The following ERC1 variants were observed in gnomAD, a reference collection of about 807,000 sequenced individuals.
ERC1 encodes the protein RAB6 interacting protein 2.
ERC1 carries 56 observed loss-of-function variants against 132.0 expected under a neutral mutation model. The ratio of observed to expected loss-of-function variants is 0.42; its 90% CI spans 0.34 to 0.53. ERC1 has a LOEUF of 0.53. ERC1 is among the 20% of genes least tolerant of loss of function. The pLI is 0.03. For missense variants in ERC1, 1,202 were observed against 1,349.9 expected, an observed-to-expected ratio of 0.89 and a Z score of 1.72; for synonymous variants, 478 against 476.1, an observed-to-expected ratio of 1.00 and a Z score of -0.05.
At chr12:1,143,391 TTAAA>T (rs755460063) in intron 8 of ERC1, among the ~76,000 whole-genome samples, 35 of 148,724 alleles carry the variant, frequency 2.4e-4, no homozygotes, top group East Asian at 6.1e-4. Context: ...TTCAGACTTC[TTAAA>T]TAAAGTGAAT....
intron 1 of ERC1, among the ~76,000 whole-genome samples, chr12:995,303 C>G (rs922473762): frequency 1.3e-5 from 2 of 151,956 alleles, no homozygotes; most frequent in South Asian, 2.1e-4. Context: ...TAGTCAGGAG[C>G]TTATGCTGTA....
Position 1,256,290 on chromosome 12 carries a change from T to A in ERC1, c.2488-6744T>A, listed in dbSNP as rs553028943. 9.4e-5 allele frequency among the ~76,000 whole-genome samples: 14 copies of A among 149,552 alleles called. No individual in the cohort carries two copies. The South Asian group carries it at 1.1e-3, about 11-fold the overall frequency. On this transcript the variant is annotated intron_variant, in intron 13 of 18. Transcript: ENST00000360905. ...CTCTGTTTTTGCCTTTTTTTTTTTT[T>A]ATAACTTTTTCCCTTGTCTACTTTA... is the stretch of plus-strand genomic sequence containing the variant.
At chr12:1,178,537 A>T (rs935573647) in intron 8 of ERC1, among the ~76,000 whole-genome samples, 5 of 152,178 alleles carry the variant, frequency 3.3e-5, no homozygotes, top group Non-Finnish European at 5.9e-5. Context: ...TACATGGAAG[A>T]ATGGAGGAGT....
At chr12:1,134,119 C>CT (rs1194142718) in intron 7 of ERC1, among the ~76,000 whole-genome samples, 2 of 152,054 alleles carry the variant, frequency 1.3e-5, no homozygotes, top group Non-Finnish European at 1.5e-5. Context: ...TAGTTTCATT[C>CT]TTTTGGGTCT....
chr12:1,043,329 C>T (rs1281645173), intron 2 of ERC1, among the ~76,000 whole-genome samples: 2 of 152,174 alleles, frequency 1.3e-5, no homozygotes, highest in Non-Finnish European at 2.9e-5. Context: ...AGGCATGAGC[C>T]ACTGCGCCCG....
intron 17 of ERC1, among the ~76,000 whole-genome samples, chr12:1,428,183 C>G (rs2092693968): frequency 6.6e-6 from 1 of 152,130 alleles, no homozygotes; most frequent in African/African-American, 2.4e-5. Context: ...GACATTCTTC[C>G]TGGACAACAA....
At chr12:1,387,206 T>A (rs183326568) in intron 16 of ERC1, among the ~76,000 whole-genome samples, 25 of 151,960 alleles carry the variant, frequency 1.6e-4, no homozygotes, top group Admixed American at 1.0e-3. Context: ...TCAGATTAAT[T>A]AGATGAGGAG....
intron 18 of ERC1, among the ~76,000 whole-genome samples, chr12:1,485,404 C>T (rs2094196356): frequency 6.6e-6 from 1 of 151,150 alleles, no homozygotes; most frequent in South Asian, 2.1e-4. Flanking sequence ...AGAGTTTCAC[C>T]ACATTGGCCA....
At chr12:1,300,917 T>C (rs1412865566) in intron 15 of ERC1, among the ~76,000 whole-genome samples, 2 of 151,982 alleles carry the variant, frequency 1.3e-5, no homozygotes, top group Non-Finnish European at 2.9e-5. Flanking sequence ...TAAAAACAAA[T>C]ACAGTTTGAT....
At chr12:1,167,823 T>A (rs1952582485) in intron 8 of ERC1, among the ~76,000 whole-genome samples, 1 of 151,716 alleles carries the variant, frequency 6.6e-6, no homozygotes, top group Non-Finnish European at 1.5e-5. Context: ...TTCCAGCAGT[T>A]CCCCTGCCTC....
intron 16 of ERC1, among the ~76,000 whole-genome samples, chr12:1,402,572 A>T (rs1165540573): frequency 6.6e-6 from 1 of 151,202 alleles, no homozygotes; most frequent in Admixed American, 6.6e-5. Context: ...TGAGCTAAGC[A>T]TCCAAATCAA....
intron 8 of ERC1, among the ~76,000 whole-genome samples, chr12:1,170,178 A>G (rs1369023482): frequency 3.3e-5 from 5 of 152,214 alleles, no homozygotes; most frequent in Admixed American, 6.5e-5. Flanking sequence ...GTAATAGTGT[A>G]TAATAAACAA....
At chr12:1,270,644 A>C (rs1222485499) in intron 14 of ERC1, among the ~76,000 whole-genome samples, 2 of 151,712 alleles carry the variant, frequency 1.3e-5, no homozygotes, top group Non-Finnish European at 1.5e-5. Context: ...CATGTTTAAT[A>C]ATAATTTTCT....
intron 7 of ERC1, among the ~76,000 whole-genome samples, chr12:1,140,470 A>G (rs1015719346): frequency 2.6e-5 from 4 of 152,140 alleles, no homozygotes; most frequent in African/African-American, 9.7e-5. Context: ...TCCATTGAGC[A>G]TTTCCTTTAA....
intron 15 of ERC1, among the ~76,000 whole-genome samples, chr12:1,346,960 A>AAAAAAAAAAAAAG (rs1006260266): frequency 7.7e-4 from 115 of 149,704 alleles, no homozygotes; most frequent in South Asian, 1.9e-3. Context: ...AAAAAAAAAA[A>AAAAAAAAAAAAAG]AGAGAGAGAT....
intron 16 of ERC1, among the ~76,000 whole-genome samples, chr12:1,407,553 G>C (rs1405057765): frequency 2.0e-5 from 3 of 148,752 alleles, no homozygotes; most frequent in Non-Finnish European, 2.9e-5. Context: ...TAAAAAGACA[G>C]TTCATGAAGT....
In ERC1 at chr12:1,196,905, T is replaced by TAC. The variant is rs766381798; in HGVS notation, c.2351+6909_2351+6910dup. 2.6e-3 allele frequency among the ~76,000 whole-genome samples: 152 copies of TAC among 57,708 alleles called. 2 individuals are homozygous for TAC. The highest frequency in any genetic ancestry group is 5.0e-3 in the East Asian group (8 of 1,590). The allele number at this position is 57,708 out of a possible 152,430, so 37.9% of individuals were successfully genotyped here. A position where few individuals can be genotyped will look rare whatever the true frequency, so the allele number is the denominator to read the frequency against. ...GTCTGTCTGTCTCTCTCTGTCTCTCTACACACACACACACACACACACACA... is the reference window on the plus strand; with the variant it reads ...GTCTGTCTGTCTCTCTCTGTCTCTCTACACACACACACACACACACACACACA... On this transcript the variant is annotated intron_variant, in intron 12 of 18. Coordinates refer to ENST00000360905, the MANE Select transcript of ERC1 (RefSeq NM_178040.4).
At chr12:1,439,168 C>G (rs188026466) in intron 17 of ERC1, among the ~76,000 whole-genome samples, 1 of 152,150 alleles carries the variant, frequency 6.6e-6, no homozygotes, top group Non-Finnish European at 1.5e-5. Flanking sequence ...AGACGCTTCA[C>G]TCTGCACATT....
intron 7 of ERC1, among the ~76,000 whole-genome samples, chr12:1,126,986 C>CAAAGAAAAAAAAA (rs1948242700): frequency 8.8e-6 from 1 of 114,192 alleles, no homozygotes; most frequent in Non-Finnish European, 1.7e-5. Flanking sequence ...GATTCTGTCT[C>CAAAGAAAAAAAAA]AAAAAAAAAA....
Sources: gnomAD v4.1 joint callset for allele counts (sites outside exome capture counted in the v4.1 genomes callset) on GRCh38, gnomAD v4.1.1 for gene constraint, MANE v1.5 for transcripts, NCBI Gene and HGNC (gene_info 2026-07-23, HGNC 2026-07-21) for gene names.